ATL3: variants seen among roughly 807,000 people sequenced by gnomAD.
ATL3 encodes atlastin-3.
Under a neutral mutation model 69.5 loss-of-function variants are expected in ATL3, and 49 were observed. That is an observed-to-expected ratio of 0.71 (90% confidence interval 0.56 to 0.89). ATL3 has a LOEUF of 0.89. Among genes scored for constraint, ATL3 ranks in the 40% least tolerant of loss-of-function variants. The pLI is 0.00. For synonymous variants in ATL3, 214 were observed against 224.1 expected, an observed-to-expected ratio of 0.95 and a Z score of 0.40; for missense variants, 606 against 645.7, an observed-to-expected ratio of 0.94 and a Z score of 0.67.
Position 63,629,408 on chromosome 11 carries a change from G to A in ATL3, c.1540-3C>T. The A allele has an allele frequency of 6.2e-7, 1 of 1,613,250 alleles. No homozygotes were observed. The highest frequency in any genetic ancestry group is 8.5e-7 in the Non-Finnish European group (1 of 1,179,186). ...GAATTACCGATATGAGAAGAAGCCT[G>A]CAAAAGTCCATTTATTCAACATATA... On this transcript the variant is annotated splice_polypyrimidine_tract_variant and splice_region_variant and intron_variant, in intron 12 of 12. Coordinates refer to ENST00000398868, the MANE Select transcript of ATL3 (RefSeq NM_015459.5).
chr11:63,652,325 T>C (rs1376946315), intron 4 of ATL3, 146 bp downstream of exon 4: 1 of 580,314 alleles, frequency 1.7e-6, no homozygotes, highest in Non-Finnish European at 2.7e-6. Context: ...TCTCAAACTT[T>C]TAAAAGTTTA....
chr11:63,643,561 G>A, intron 7 of ATL3, 66 bp from the exon 8 acceptor site: 1 of 1,469,262 alleles, frequency 6.8e-7, no homozygotes, highest in South Asian at 1.3e-5. Flanking sequence ...GGGACAACTA[G>A]TATAAGGACA....
intron 8 of ATL3, among the ~76,000 whole-genome samples, chr11:63,638,248 T>A (rs964533871): frequency 2.6e-5 from 4 of 152,158 alleles, no homozygotes; most frequent in Non-Finnish European, 5.9e-5. Flanking sequence ...TTTAGTGGTG[T>A]CAAAGAAGAC....
chr11:63,661,288 A>G (rs995950261), intron 1 of ATL3, among the ~76,000 whole-genome samples: 2 of 152,082 alleles, frequency 1.3e-5, no homozygotes, highest in East Asian at 3.8e-4. Flanking sequence ...CAGGTCCTAG[A>G]TATAAGCTCA....
intron 11 of ATL3, among the ~76,000 whole-genome samples, chr11:63,632,015 G>C (rs370568620): frequency 5.8e-4 from 89 of 152,212 alleles, no homozygotes; most frequent in African/African-American, 2.0e-3. Flanking sequence ...ACTTCTGCAG[G>C]GCCCAGGTGA....
intron 1 of ATL3, among the ~76,000 whole-genome samples, chr11:63,663,520 T>C (rs1316643458): frequency 2.0e-5 from 3 of 152,222 alleles, no homozygotes; most frequent in African/African-American, 4.8e-5. Flanking sequence ...TTGTAATCAA[T>C]GTATACTAAT....
At chr11:63,652,197 C>T (rs1940098811) in intron 4 of ATL3, among the ~76,000 whole-genome samples, 1 of 152,108 alleles carries the variant, frequency 6.6e-6, no homozygotes, top group South Asian at 2.1e-4. Flanking sequence ...AAACAGTTTT[C>T]CTAAGCTCTT....
intron 5 of ATL3, among the ~76,000 whole-genome samples, chr11:63,647,194 T>TA (rs1191596558): frequency 2.0e-5 from 3 of 151,938 alleles, no homozygotes; most frequent in African/African-American, 4.8e-5. Context: ...TTCGTGTCTT[T>TA]AAAAAAAAAT....
intron 12 of ATL3, 47 bp downstream of exon 12, chr11:63,630,993 A>T: frequency 6.6e-7 from 1 of 1,525,142 alleles, no homozygotes; most frequent in Non-Finnish European, 8.8e-7. Flanking sequence ...AGAAGCACAA[A>T]TATCTGCCCA....
At chr11:63,670,697 T>C (rs1468433358) in intron 1 of ATL3, among the ~76,000 whole-genome samples, 1 of 152,272 alleles carries the variant, frequency 6.6e-6, no homozygotes, top group Non-Finnish European at 1.5e-5. Flanking sequence ...GCGTTAAGTA[T>C]GGGTTGAAAA....
At chr11:63,656,117 G>A (rs1444165443) in intron 3 of ATL3, among the ~76,000 whole-genome samples, 3 of 151,534 alleles carry the variant, frequency 2.0e-5, no homozygotes, top group African/African-American at 7.3e-5. Context: ...CCAGCTCCTT[G>A]GGAGGCTGAG....
chr11:63,636,004 G>A (rs571778617), intron 9 of ATL3, among the ~76,000 whole-genome samples: 36 of 150,846 alleles, frequency 2.4e-4, no homozygotes, highest in African/African-American at 6.1e-4. Context: ...CTAAGAGAGT[G>A]CAAAGAACAT....
intron 5 of ATL3, among the ~76,000 whole-genome samples, chr11:63,647,650 T>G (rs1355841704): frequency 6.6e-6 from 1 of 152,240 alleles, no homozygotes; most frequent in Non-Finnish European, 1.5e-5. Flanking sequence ...AGAAAAGTAT[T>G]AGGCCCATAA....
At chr11:63,636,439 T>C (rs1253770082) in intron 8 of ATL3, 105 bp from the exon 9 acceptor site, 16 of 1,483,234 alleles carry the variant, frequency 1.1e-5, no homozygotes, top group Non-Finnish European at 2.8e-6. Flanking sequence ...TAACATTGGT[T>C]GTTAAAAGTG....
intron 1 of ATL3, among the ~76,000 whole-genome samples, chr11:63,666,230 C>T (rs928247321): frequency 6.6e-6 from 1 of 151,996 alleles, no homozygotes; most frequent in Non-Finnish European, 1.5e-5. Context: ...GTAGAGGTGG[C>T]GTTTCACCAC....
intron 3 of ATL3, among the ~76,000 whole-genome samples, chr11:63,657,549 G>A (rs1323245100): frequency 2.0e-5 from 3 of 152,186 alleles, no homozygotes; most frequent in Non-Finnish European, 4.4e-5. Flanking sequence ...TAACACATAA[G>A]AGCATCAGCC....
At chr11:63,657,571 A>T (rs1940294731) in intron 3 of ATL3, among the ~76,000 whole-genome samples, 1 of 152,250 alleles carries the variant, frequency 6.6e-6, no homozygotes, top group Non-Finnish European at 1.5e-5. Context: ...CTGGGAAGTG[A>T]AAACTGGGTA....
intron 1 of ATL3, among the ~76,000 whole-genome samples, chr11:63,661,747 GGT>G (rs1428663642): frequency 6.6e-6 from 1 of 152,002 alleles, no homozygotes; most frequent in Non-Finnish European, 1.5e-5. Flanking sequence ...AAATTAGCCC[GGT>G]GTGGTGGCAC....
chr11:63,633,225 C>T, intron 10 of ATL3, 128 bp from the exon 11 acceptor site: 1 of 736,638 alleles, frequency 1.4e-6, no homozygotes, highest in African/African-American at 1.8e-5. Flanking sequence ...TTCTAGATTT[C>T]CATATAGTTC....
Sources: allele counts gnomAD v4.1 joint callset (sites outside exome capture counted in the v4.1 genomes callset), GRCh38; gene constraint gnomAD v4.1.1; transcripts MANE v1.5; gene names NCBI Gene and HGNC (gene_info 2026-07-23, HGNC 2026-07-21).